The following CCNY variants were observed in gnomAD, a reference collection of about 807,000 sequenced individuals.
CCNY encodes cyclin Y.
A neutral mutation model predicts 42.8 loss-of-function variants in CCNY; 19 were observed. The observed-to-expected ratio is 0.44, with a 90% CI of 0.31 to 0.65. CCNY has a LOEUF of 0.65. Ranked by LOEUF, CCNY falls within the 30% of genes least tolerant of loss-of-function variation. CCNY has a pLI of 0.07. For missense variants in CCNY, 370 were observed against 437.3 expected (o/e 0.85, Z 1.37); for synonymous variants, 165 against 162.7 (o/e 1.01, Z -0.11).
chr10:35,437,020 A>G (rs1189441060), intron 1 of CCNY, among the ~76,000 whole-genome samples: 2 of 152,230 alleles, frequency 1.3e-5, no homozygotes, highest in African/African-American at 4.8e-5. Flanking sequence ...TCAGCAGGCA[A>G]GAGAAGAAAT....
chr10:35,322,206 T>C (rs1273544737), intron 3 of CCNY, among the ~76,000 whole-genome samples: 1 of 151,974 alleles, frequency 6.6e-6, no homozygotes, highest in East Asian at 1.9e-4. Flanking sequence ...ATACAAAAAT[T>C]AGCTGGGCAT....
chr10:35,319,235 C>T lies in CCNY; in HGVS notation c.-9+68609C>T, dbSNP rs553428276. Among the ~76,000 whole-genome samples, 3 of 152,334 alleles carry T rather than the reference C, an allele frequency of 2.0e-5. No individual in the cohort carries two copies. In the East Asian group the frequency reaches 5.8e-4, roughly 29 times the overall value. On this transcript the variant is annotated intron_variant, in intron 3 of 11. Transcript: ENST00000374706. ...TAATACATATAGGAATTAAAAGAGG[C>T]TGAACACAGTGGCTCATGCCTGTAA...
At position 35,247,520 on chromosome 10, in the gene CCNY, A is replaced by G. The variant is rs560124248; in HGVS notation, c.-217+390A>G. Among the ~76,000 whole-genome samples the G allele has an allele frequency of 7.9e-5, 12 of 152,162 alleles. No individual in the cohort carries two copies. The South Asian group carries it at 2.5e-3, about 32-fold the overall frequency. On this transcript the variant is annotated intron_variant, in intron 1 of 11. Coordinates refer to the CCNY transcript ENST00000374706. ...AGGATCACTTGAGCCCAGGAGTTTGAGGCTGCAGTGAGCTAGGATTGCACC... is the reference window on the plus strand; with the variant it reads ...AGGATCACTTGAGCCCAGGAGTTTGGGGCTGCAGTGAGCTAGGATTGCACC...
intron 2 of CCNY, among the ~76,000 whole-genome samples, chr10:35,488,912 T>A (rs1364125206): frequency 6.6e-6 from 1 of 152,236 alleles, no homozygotes; most frequent in Non-Finnish European, 1.5e-5. Flanking sequence ...ATTTTCTCCA[T>A]AAAATGTTAT....
intron 1 of CCNY, among the ~76,000 whole-genome samples, chr10:35,395,244 G>A (rs1360246639): frequency 6.6e-6 from 1 of 152,160 alleles, no homozygotes; most frequent in Non-Finnish European, 1.5e-5. Context: ...AAAGCTATGT[G>A]TTGTTCCATT....
intron 2 of CCNY, among the ~76,000 whole-genome samples, chr10:35,492,669 C>T (rs934759095): frequency 4.6e-5 from 7 of 152,196 alleles, no homozygotes; most frequent in Non-Finnish European, 8.8e-5. Context: ...CAGTGGCTAG[C>T]ACATAGAAGA....
At chr10:35,551,243 C>T (rs1297203684) in intron 7 of CCNY, among the ~76,000 whole-genome samples, 1 of 152,178 alleles carries the variant, frequency 6.6e-6, no homozygotes, top group Non-Finnish European at 1.5e-5. Context: ...AGTTCAGCCG[C>T]CTCCTCAAAG....
At chr10:35,475,178 T>C (rs1839479228) in intron 1 of CCNY, among the ~76,000 whole-genome samples, 1 of 151,890 alleles carries the variant, frequency 6.6e-6, no homozygotes, top group African/African-American at 2.4e-5. Context: ...TACCTGAAAG[T>C]GATGGGGAGA....
At chr10:35,483,689 T>G (rs1377275402) in intron 2 of CCNY, among the ~76,000 whole-genome samples, 1 of 152,238 alleles carries the variant, frequency 6.6e-6, no homozygotes, top group African/African-American at 2.4e-5. Flanking sequence ...TATCCTCATT[T>G]TGTCAATCAG....
rs889228423 is a variant in CCNY at position 35,530,817 on chromosome 10, A to C, written c.579+574A>C. 1.3e-5 allele frequency among the ~76,000 whole-genome samples: 2 copies of C among 152,196 alleles called. No homozygotes were observed. Among genetic ancestry groups the C allele is most frequent in the Non-Finnish European group, 2.9e-5 (2 of 68,032 alleles). On this transcript the variant is annotated intron_variant, in intron 7 of 9. Coordinates refer to ENST00000374704, the MANE Select transcript of CCNY (RefSeq NM_145012.6). This position sits in a 1 kb window ranked among gnomAD's most constrained non-coding sequence, Gnocchi z 4.3. ...CTGGGCTCCATGGCTCACGTCAGTA[A>C]TTTCAGCACTTTGGGAGGTCAAGGT...
At chr10:35,529,159 G>A (rs1840712436) in intron 5 of CCNY, among the ~76,000 whole-genome samples, 1 of 152,038 alleles carries the variant, frequency 6.6e-6, no homozygotes, top group Non-Finnish European at 1.5e-5. Flanking sequence ...TTCACATATA[G>A]GTTATTGACT....
chr10:35,488,014 G>T (rs993306695), intron 2 of CCNY, among the ~76,000 whole-genome samples: 8 of 152,130 alleles, frequency 5.3e-5, no homozygotes, highest in Non-Finnish European at 8.8e-5. Flanking sequence ...ATATGAGAAA[G>T]CAGCCAAGCC....
At position 35,432,139 on chromosome 10, in the gene CCNY, C is replaced by T. The variant is rs116020686; in HGVS notation, c.155-51265C>T. Reference sequence around the variant, plus strand: ...ATTAGTATAAGCTAACCCAGATTGTCTAAGTGTAGGGGAAGGATCATTAGA... The same window carrying T: ...ATTAGTATAAGCTAACCCAGATTGTTTAAGTGTAGGGGAAGGATCATTAGA... On this transcript the variant is annotated intron_variant, in intron 1 of 9. Transcript: ENST00000374704. Among the ~76,000 whole-genome samples the T allele has an allele frequency of 3.0e-3, 455 of 152,280 alleles. 1 individual carries two copies. Among genetic ancestry groups the T allele is most frequent in the African/African-American group, 0.01 (431 of 41,564 alleles).
At chr10:35,470,371 T>G (rs1589141631) in intron 1 of CCNY, among the ~76,000 whole-genome samples, 1 of 152,192 alleles carries the variant, frequency 6.6e-6, no homozygotes, top group South Asian at 2.1e-4. Context: ...AGCAGATGAC[T>G]GAGGGCTGGA....
Position 35,368,718 on chromosome 10 carries a change from G to A in CCNY, c.154+31511G>A, listed in dbSNP as rs1382705064. ...AGGCGTCAGGGCAGGCCGCTGTGGG[G>A]TGGGCGGTGTGGCATAGGAGTGCCC... On this transcript the variant is annotated intron_variant, in intron 1 of 9. Coordinates refer to ENST00000374704, the MANE Select transcript of CCNY (RefSeq NM_145012.6). Among the ~76,000 whole-genome samples the A allele has an allele frequency of 2.0e-5, 3 of 152,378 alleles. No individual in the cohort carries two copies. In the East Asian group the frequency reaches 5.8e-4, roughly 29 times the overall value.
chr10:35,499,467 G>A (rs1427845521), intron 2 of CCNY, among the ~76,000 whole-genome samples: 1 of 152,176 alleles, frequency 6.6e-6, no homozygotes, highest in East Asian at 1.9e-4. Context: ...TGAGATTTGG[G>A]TGGGGACACA....
intron 1 of CCNY, among the ~76,000 whole-genome samples, chr10:35,368,479 T>G (rs974769677): frequency 6.6e-6 from 1 of 152,254 alleles, no homozygotes; most frequent in African/African-American, 2.4e-5. Flanking sequence ...CATGTTATTA[T>G]TCTCATGTAT....
chr10:35,445,771 T>C (rs779927148), intron 1 of CCNY, among the ~76,000 whole-genome samples: 1 of 152,244 alleles, frequency 6.6e-6, no homozygotes, highest in African/African-American at 2.4e-5. Context: ...ATAATCCTGC[T>C]GATACTTGTT....
intron 3 of CCNY, among the ~76,000 whole-genome samples, chr10:35,255,124 A>G (rs1208038902): frequency 6.6e-6 from 1 of 152,108 alleles, no homozygotes; most frequent in Non-Finnish European, 1.5e-5. Context: ...TATGTCTAAT[A>G]GACAGACAGT....
Sources: allele counts gnomAD v4.1 joint callset (sites outside exome capture counted in the v4.1 genomes callset), GRCh38; gene constraint gnomAD v4.1.1; non-coding constraint Gnocchi (gnomAD v3.1); transcripts MANE v1.5; gene names NCBI Gene and HGNC (gene_info 2026-07-23, HGNC 2026-07-21).